The following BCL2L11 variants were observed in gnomAD, a reference collection of about 807,000 sequenced individuals.
BCL2L11 encodes BCL2 like 11.
Under a neutral mutation model 20.6 loss-of-function variants are expected in BCL2L11, and 15 were observed. The observed-to-expected ratio is 0.73, with a 90% CI of 0.49 to 1.12. The LOEUF (loss-of-function observed/expected upper bound fraction) is 1.12. Ranked by LOEUF, BCL2L11 falls within the 50% of genes most tolerant of loss-of-function variation. The pLI is 0.00. For missense variants in BCL2L11, 292 were observed against 260.9 expected, an observed-to-expected ratio of 1.12 and a Z score of -0.82; for synonymous variants, 108 against 92.8, an observed-to-expected ratio of 1.16 and a Z score of -0.94.
intron 2 of BCL2L11, among the ~76,000 whole-genome samples, chr2:111,124,679 T>C (rs1355208365): frequency 2.0e-5 from 3 of 152,258 alleles, no homozygotes; most frequent in Non-Finnish European, 4.4e-5. Flanking sequence ...TTCATTAAGC[T>C]AAAGTGTGTT....
chr2:111,152,039 T>G (rs961068138), intron 3 of BCL2L11: 2 of 694,626 alleles, frequency 2.9e-6, no homozygotes, highest in African/African-American at 3.6e-5. Flanking sequence ...TAGGAAGAAC[T>G]GGTGAGAAGT....
chr2:111,128,920 T>C (rs1413178108), intron 2 of BCL2L11: 3 of 1,175,074 alleles, frequency 2.6e-6, no homozygotes, highest in Non-Finnish European at 3.5e-6. Flanking sequence ...GCTGGTGTTC[T>C]GTTTCATCTA....
rs758731588 is a variant in BCL2L11 at position 111,123,934 on chromosome 2, G to T, written c.189G>T (p.Pro63=). The T allele has an allele frequency of 1.9e-6, 3 of 1,613,994 alleles. No homozygotes were observed. The highest frequency in any genetic ancestry group is 2.5e-6 in the Non-Finnish European group (3 of 1,179,922). ...DSCPHGSPQG[P]LAPPASPGPF... Reference sequence around the variant, plus strand: ...GCCCCCACGGCAGCCCTCAGGGCCCGCTGGCCCCACCTGCCAGCCCTGGCC... The same window carrying T: ...GCCCCCACGGCAGCCCTCAGGGCCCTCTGGCCCCACCTGCCAGCCCTGGCC... Residue 63 remains proline, a synonymous_variant, in exon 2 of 4, where the codon CCG becomes CCT. Transcript: ENST00000393256.
intron 2 of BCL2L11, among the ~76,000 whole-genome samples, chr2:111,138,260 C>T (rs955539626): frequency 3.3e-5 from 5 of 152,216 alleles, no homozygotes; most frequent in East Asian, 1.9e-4. Flanking sequence ...CCGCCTACCT[C>T]GGCCTCCCAA....
At chr2:111,127,838 G>C (rs1343054172) in intron 2 of BCL2L11, among the ~76,000 whole-genome samples, 1 of 152,064 alleles carries the variant, frequency 6.6e-6, no homozygotes, top group Non-Finnish European at 1.5e-5. Flanking sequence ...ACTGGATTTT[G>C]AGGAGACAAA....
At chr2:111,149,351 A>T (rs114846519) in intron 2 of BCL2L11, among the ~76,000 whole-genome samples, 2,617 of 152,258 alleles carry the variant, frequency 0.017, 39 homozygotes, top group Non-Finnish European at 0.027. Context: ...CTCCTTTCAA[A>T]AATGCCTTTG....
chr2:111,139,673 C>T (rs1048640585), intron 2 of BCL2L11, among the ~76,000 whole-genome samples: 5 of 152,136 alleles, frequency 3.3e-5, no homozygotes, highest in East Asian at 1.9e-4. Context: ...TATGAGGTAG[C>T]GGAAGTAAAC....
Position 111,121,156 on chromosome 2 carries a change from TCTGA to T in BCL2L11, c.-43_-40del. ...TTCTTGGCCCTTGTTCCCCCAAATG[TCTGA>T]CTCTGACTCTCGGACTGAGAAACGC... On this transcript the variant is annotated 5_prime_UTR_variant, in exon 1 of 4. Transcript: ENST00000393256. 3.9e-6 allele frequency: 1 copy of T among 253,492 alleles called. No individual in the cohort carries two copies. The highest frequency in any genetic ancestry group is 7.6e-6 in the Non-Finnish European group (1 of 131,786). 15.7% of individuals were successfully genotyped at this position (253,492 alleles called of 1,614,324 possible). A position where few individuals can be genotyped will look rare whatever the true frequency, so the allele number is the denominator to read the frequency against.
Position 111,121,027 on chromosome 2 carries a change from C to T in BCL2L11, c.-175C>T, listed in dbSNP as rs2070788990. On this transcript the variant is annotated 5_prime_UTR_variant, in exon 1 of 4. Coordinates refer to ENST00000393256, the MANE Select transcript of BCL2L11 (RefSeq NM_138621.5). Reference sequence around the variant, plus strand: ...CCGCCGCCGCCGCCGCCGCCACTACCACCACTTGATTCTTGCAGCCACCCT... The same window carrying T: ...CCGCCGCCGCCGCCGCCGCCACTACTACCACTTGATTCTTGCAGCCACCCT... 2 of 399,738 alleles carry T rather than the reference C, an allele frequency of 5.0e-6. No individual in the cohort carries two copies. The highest frequency in any genetic ancestry group is 3.7e-5 in the South Asian group (1 of 26,672). 24.8% of individuals were successfully genotyped at this position (399,738 alleles called of 1,614,324 possible). A position where few individuals can be genotyped will look rare whatever the true frequency, so the allele number is the denominator to read the frequency against.
In BCL2L11 at chr2:111,141,155, C is replaced by T. The variant is rs140797115; in HGVS notation, c.395-8889C>T. Among the ~76,000 whole-genome samples the T allele has an allele frequency of 1.3e-3, 192 of 152,284 alleles. 2 individuals are homozygous for T. The highest frequency in any genetic ancestry group is 4.4e-3 in the African/African-American group (184 of 41,554). On this transcript the variant is annotated intron_variant, in intron 2 of 3. Transcript: ENST00000393256. ...CATGGCCCTTCCGCAGTGGTCATAG[C>T]AGTGTAGGGAGTTGGTGCCTATGGG...
chr2:111,159,806 A>T (rs10199467), intron 3 of BCL2L11, among the ~76,000 whole-genome samples: 3,970 of 152,302 alleles, frequency 0.026, 168 homozygotes, highest in African/African-American at 0.089. Flanking sequence ...TTCCTGTGGT[A>T]CAGCTCCTCC....
At chr2:111,163,163 T>A (rs2150600462) in intron 3 of BCL2L11, 1 of 153,066 alleles carries the variant, frequency 6.5e-6, no homozygotes, top group South Asian at 2.0e-4. Flanking sequence ...CTCAGCCTGA[T>A]GCATGGCAGG....
At position 111,166,510 on chromosome 2, in the gene BCL2L11, GATGCCTCTGTGCAGAAAGT is replaced by G. The variant is rs1433336049; in HGVS notation, c.*2287_*2305del. On this transcript the variant is annotated 3_prime_UTR_variant, in exon 4 of 4. Coordinates refer to ENST00000393256, the MANE Select transcript of BCL2L11 (RefSeq NM_138621.5). ...TGTACTGTATGTATCTGGTTATCAAGATGCCTCTGTGCAGAAAGTATGCCTCCCGTGGGTATACGTTTTT... is the reference window on the plus strand; with the variant it reads ...TGTACTGTATGTATCTGGTTATCAAGATGCCTCCCGTGGGTATACGTTTTT... 6.5e-6 allele frequency: 1 copy of G among 152,682 alleles called. No individual in the cohort carries two copies. The highest frequency in any genetic ancestry group is 1.5e-5 in the Non-Finnish European group (1 of 68,048). The allele number at this position is 152,682 out of a possible 1,614,324, so 9.5% of individuals were successfully genotyped here. A position where few individuals can be genotyped will look rare whatever the true frequency, so the allele number is the denominator to read the frequency against.
Position 111,124,117 on chromosome 2 carries a change from C to T in BCL2L11, c.372C>T (p.Phe124=), listed in dbSNP as rs2071915644. The change falls in exon 2 of 4, where the codon TTC becomes TTT. Residue 124 remains phenylalanine (F), a synonymous_variant. Transcript: ENST00000393256. ...TQTPSPPCQA[F]NHYLSAMASM... is the part of the protein sequence containing the mutation. ...CCCCAAGTCCTCCTTGCCAGGCCTT[C>T]AACCACTATCTCAGTGCAATGGGTA... 6.2e-7 allele frequency: 1 copy of T among 1,611,948 alleles called. No homozygotes were observed. The highest frequency in any genetic ancestry group is 8.5e-7 in the Non-Finnish European group (1 of 1,179,138).
intron 2 of BCL2L11, chr2:111,146,370 T>A: frequency 2.0e-6 from 1 of 492,556 alleles, no homozygotes; most frequent in Non-Finnish European, 2.6e-6. Flanking sequence ...TCTTATAAAC[T>A]AGAAATGTCA....
At chr2:111,150,589 A>G (rs1007926048) in intron 3 of BCL2L11, among the ~76,000 whole-genome samples, 2 of 152,168 alleles carry the variant, frequency 1.3e-5, no homozygotes, top group African/African-American at 4.8e-5. Context: ...ACTCTCCTGC[A>G]ATTTGCAGGG....
intron 2 of BCL2L11, chr2:111,144,459 G>C: frequency 5.2e-6 from 8 of 1,550,354 alleles, no homozygotes; most frequent in Non-Finnish European, 7.0e-6. Context: ...CGCAAACGCT[G>C]ATGGCAGTTG....
At chr2:111,155,994 A>T (rs1289848638) in intron 3 of BCL2L11, among the ~76,000 whole-genome samples, 2 of 152,222 alleles carry the variant, frequency 1.3e-5, no homozygotes, top group Admixed American at 6.5e-5. Context: ...TGTGCTCTGT[A>T]TGAATTTGAA....
intron 2 of BCL2L11, among the ~76,000 whole-genome samples, chr2:111,141,520 G>A (rs186052885): frequency 0.014 from 1,606 of 115,496 alleles, 31 homozygotes; most frequent in African/African-American, 0.051. Flanking sequence ...GTTGTGGGGT[G>A]GGGGGAGGGG....
Sources: allele counts gnomAD v4.1 joint callset (sites outside exome capture counted in the v4.1 genomes callset), GRCh38; gene constraint gnomAD v4.1.1; transcripts MANE v1.5; gene names NCBI Gene and HGNC (gene_info 2026-07-23, HGNC 2026-07-21).